The following ARL3 variants were observed in gnomAD, a reference collection of about 807,000 sequenced individuals.
The protein encoded by ARL3 is ADP-ribosylation factor-like protein 3.
ARL3 carries 9 observed loss-of-function variants against 26.0 expected under a neutral mutation model. The ratio of observed to expected loss-of-function variants is 0.35; its 90% confidence interval spans 0.21 to 0.60. The LOEUF (loss-of-function observed/expected upper bound fraction) is 0.60. ARL3 is among the 20% of genes least tolerant of loss of function. The pLI, the probability that ARL3 is intolerant of heterozygous loss-of-function variation, is 0.78. For missense variants in ARL3, 158 were observed against 215.7 expected (o/e 0.73, Z 1.67); for synonymous variants, 71 against 78.4 (o/e 0.91, Z 0.50).
intron 1 of ARL3, among the ~76,000 whole-genome samples, chr10:102,707,237 G>A: frequency 6.6e-6 from 1 of 151,980 alleles, no homozygotes. Flanking sequence ...GGTCGAGATT[G>A]CAGTAAGCTG....
In ARL3 at chr10:102,674,183, A is replaced by T. The variant is rs937077909; in HGVS notation, c.*2711T>A. On this transcript the variant is annotated 3_prime_UTR_variant, in exon 6 of 6. Transcript: ENST00000260746. The stretch of plus-strand genomic sequence containing the variant: ...AGGGAGGAAGGAAGGGGGCAGGACC[A>T]TGTCCTCCCAGCAGCCGTGGGAGCT... 2.0e-5 allele frequency: 3 copies of T among 151,848 alleles called. No homozygotes were observed. The allele number at this position is 151,848 out of a possible 1,614,324, so 9.4% of individuals were successfully genotyped here.
chr10:102,678,766 G>C (rs2064142038), intron 5 of ARL3, among the ~76,000 whole-genome samples: 1 of 152,246 alleles, frequency 6.6e-6, no homozygotes, highest in African/African-American at 2.4e-5. Context: ...TCAGCTGCAG[G>C]AGCCCAAAGC....
chr10:102,687,385 G>T (rs1391872912), intron 4 of ARL3, among the ~76,000 whole-genome samples: 1 of 151,556 alleles, frequency 6.6e-6, no homozygotes, highest in Non-Finnish European at 1.5e-5. Flanking sequence ...TCAGGTGATT[G>T]CCACCATGCC....
intron 3 of ARL3, among the ~76,000 whole-genome samples, chr10:102,694,477 C>G (rs1438740172): frequency 6.6e-6 from 1 of 151,152 alleles, no homozygotes; most frequent in South Asian, 2.1e-4. Flanking sequence ...GGCTCTAGGT[C>G]GAAGGAAAAA....
At chr10:102,688,677 G>GT (rs1355710773) in intron 4 of ARL3, among the ~76,000 whole-genome samples, 1 of 151,640 alleles carries the variant, frequency 6.6e-6, no homozygotes, top group Non-Finnish European at 1.5e-5. Flanking sequence ...AATTTTTTGT[G>GT]TTTTTAGTAG....
chr10:102,685,754 G>A, intron 5 of ARL3, 62 bp downstream of exon 5: 3 of 1,506,270 alleles, frequency 2.0e-6, no homozygotes, highest in Non-Finnish European at 2.7e-6. Context: ...CCCAACCAAT[G>A]AGACAGACCA....
At chr10:102,687,829 T>C (rs770787265) in intron 4 of ARL3, among the ~76,000 whole-genome samples, 8 of 152,098 alleles carry the variant, frequency 5.3e-5, no homozygotes, top group Non-Finnish European at 1.0e-4. Flanking sequence ...ACCTGGCCCA[T>C]AGAACACTTT....
At chr10:102,703,948 G>A (rs944347305) in intron 2 of ARL3, among the ~76,000 whole-genome samples, 35 of 151,322 alleles carry the variant, frequency 2.3e-4, no homozygotes, top group African/African-American at 8.0e-4. Flanking sequence ...TCAGGAGTTC[G>A]AGACCAGCCT....
chr10:102,684,249 G>T (rs946495133), intron 5 of ARL3, among the ~76,000 whole-genome samples: 2 of 151,838 alleles, frequency 1.3e-5, no homozygotes, highest in African/African-American at 4.8e-5. Context: ...CCTGGGTTCA[G>T]GCCATTCTCC....
At position 102,694,429 on chromosome 10, in the gene ARL3, T is replaced by G. The variant is rs557730686; in HGVS notation, c.265-4486A>C. Among the ~76,000 whole-genome samples the G allele has an allele frequency of 2.0e-5, 3 of 152,338 alleles. No homozygotes were observed. The East Asian group carries it at 5.8e-4, about 29-fold the overall frequency. On this transcript the variant is annotated intron_variant, in intron 3 of 5. Coordinates refer to ENST00000260746, the MANE Select transcript of ARL3 (RefSeq NM_004311.4). ...TGTCTTCTAGGAGTTTTATAGTGTT[T>G]GGGTTTTACATTTAGGTTTAAGATC...
Position 102,685,548 on chromosome 10 carries a change from C to G in ARL3, c.501+268G>C, listed in dbSNP as rs555607028. Among the ~76,000 whole-genome samples, 106 of 152,288 alleles carry G rather than the reference C, an allele frequency of 7.0e-4. 3 individuals carry two copies. The highest frequency in any genetic ancestry group is 3.7e-3 in the South Asian group (18 of 4,832). On this transcript the variant is annotated intron_variant, in intron 5 of 5. Coordinates refer to ENST00000260746, the MANE Select transcript of ARL3 (RefSeq NM_004311.4). ...CCAATCCAATCAATCATCAAAGAATCCTAGAGTTAGAGACAATCCTCAGTC... is the reference window on the plus strand; with the variant it reads ...CCAATCCAATCAATCATCAAAGAATGCTAGAGTTAGAGACAATCCTCAGTC...
At chr10:102,696,050 G>C (rs777181778) in intron 3 of ARL3, among the ~76,000 whole-genome samples, 4 of 150,066 alleles carry the variant, frequency 2.7e-5, no homozygotes, top group African/African-American at 9.8e-5. Context: ...TGCAAGCTCC[G>C]CCTCCCAGGT....
chr10:102,697,698 C>A (rs901064594), intron 3 of ARL3, among the ~76,000 whole-genome samples: 1 of 151,942 alleles, frequency 6.6e-6, no homozygotes, highest in Non-Finnish European at 1.5e-5. Context: ...ACAAGGACTC[C>A]GGGGCTCTCT....
intron 3 of ARL3, 39 bp from the exon 4 acceptor site, chr10:102,689,982 G>C: frequency 7.0e-7 from 1 of 1,432,286 alleles, no homozygotes; most frequent in South Asian, 1.2e-5. Context: ...AGTGAGCAGA[G>C]ATGGAAAAGA....
chr10:102,678,972 C>T (rs556555427), intron 5 of ARL3, among the ~76,000 whole-genome samples: 2 of 152,348 alleles, frequency 1.3e-5, no homozygotes, highest in East Asian at 3.9e-4. Flanking sequence ...CCAGCTGACC[C>T]CCGGCCTGGG....
chr10:102,699,470 A>C lies in ARL3; in HGVS notation c.167T>G (p.Val56Gly). The C allele has an allele frequency of 6.2e-7, 1 of 1,609,036 alleles. No homozygotes were observed. Among genetic ancestry groups the C allele is most frequent in the Non-Finnish European group, 8.5e-7 (1 of 1,176,472 alleles). ...ATTCAGTTTAAAACCTTGTGATTGT[A>C]CACTTTTGATGTTGAAACCCTGAAA... ...TPTQGFNIKSVQSQGFKLNVW... is the reference protein window; with the variant it reads ...TPTQGFNIKSGQSQGFKLNVW... Residue 56 changes from valine to glycine, a missense_variant, in exon 3 of 6, where the codon GTA becomes GGA. Coordinates refer to ENST00000260746, the MANE Select transcript of ARL3 (RefSeq NM_004311.4).
At chr10:102,711,314 C>CTGTGTGTG (rs3977757) in intron 1 of ARL3, among the ~76,000 whole-genome samples, 1 of 143,182 alleles carries the variant, frequency 7.0e-6, no homozygotes, top group Non-Finnish European at 1.5e-5. Flanking sequence ...TATTCAGCTT[C>CTGTGTGTG]TGTGTGTGTG....
chr10:102,699,407 T>G lies in ARL3; in HGVS notation c.230A>C (p.Tyr77Ser). Residue 77 changes from tyrosine (Y) to serine (S), a missense_variant, in exon 3 of 6, where the codon TAC becomes TCC. Coordinates refer to ENST00000260746, the MANE Select transcript of ARL3 (RefSeq NM_004311.4). ...GGTATTTTCAAAATAATTCTTCCAG[T>G]ATGGTCTGATTTTCCTCTGTCCACC... is the stretch of plus-strand genomic sequence containing the variant. ...DIGGQRKIRP[Y>S]WKNYFENTDI... is the part of the protein sequence containing the mutation. 6.2e-7 allele frequency: 1 copy of G among 1,610,738 alleles called. No individual in the cohort carries two copies. Among genetic ancestry groups the G allele is most frequent in the South Asian group, 1.1e-5 (1 of 90,958 alleles).
intron 5 of ARL3, among the ~76,000 whole-genome samples, chr10:102,677,837 G>GT (rs2064137780): frequency 6.6e-6 from 1 of 152,088 alleles, no homozygotes; most frequent in South Asian, 2.1e-4. Context: ...CCTTGCATCT[G>GT]TAACAGAGGC....
Sources: gnomAD v4.1 joint callset for allele counts (sites outside exome capture counted in the v4.1 genomes callset) on GRCh38, gnomAD v4.1.1 for gene constraint, MANE v1.5 for transcripts, NCBI Gene and HGNC (gene_info 2026-07-23, HGNC 2026-07-21) for gene names.